The following FOXP1 variants were observed in gnomAD, a reference collection of about 807,000 sequenced individuals.
The protein encoded by FOXP1 is forkhead box protein P1.
In FOXP1, 15 loss-of-function variants were observed where a neutral mutation model predicts 98.2. That is an observed-to-expected ratio of 0.15 (90% CI 0.10 to 0.24). The LOEUF (loss-of-function observed/expected upper bound fraction) is 0.24, where lower values mean the gene tolerates loss of function less well. Ranked by LOEUF, FOXP1 falls within the 10% of genes least tolerant of loss-of-function variation. FOXP1 has a pLI of 1.00. For synonymous variants in FOXP1, 371 were observed against 314.5 expected, an observed-to-expected ratio of 1.18 and a Z score of -1.90; for missense variants, 633 against 848.5, an observed-to-expected ratio of 0.75 and a Z score of 3.15.
chr3:71,396,295 C>T (rs972737454), intron 3 of FOXP1, among the ~76,000 whole-genome samples: 3 of 152,012 alleles, frequency 2.0e-5, no homozygotes, highest in African/African-American at 4.8e-5. Flanking sequence ...ATGTGGTGCC[C>T]GATGATTGCA....
chr3:71,579,632 C>CTTTTTTTTTT (rs35646548), intron 2 of FOXP1, among the ~76,000 whole-genome samples: 20 of 122,974 alleles, frequency 1.6e-4, no homozygotes, highest in African/African-American at 2.8e-4. Context: ...TTTCTTTTTT[C>CTTTTTTTTTT]TTTTTTTTTT....
chr3:70,968,974 T>C (rs1296260428), intron 19 of FOXP1: 1 of 152,194 alleles, frequency 6.6e-6, no homozygotes, highest in Non-Finnish European at 1.5e-5. Flanking sequence ...GAAAGTGTTC[T>C]TGGAAAACGG....
At chr3:71,278,316 T>C (rs140007231) in intron 5 of FOXP1, among the ~76,000 whole-genome samples, 1,683 of 152,332 alleles carry the variant, frequency 0.011, 38 homozygotes, top group African/African-American at 0.038. Context: ...GAGAGTTGTC[T>C]TCTCTGATGT....
intron 8 of FOXP1, 35 bp downstream of exon 8, chr3:71,053,601 G>A (rs1449312606): frequency 6.2e-7 from 1 of 1,613,578 alleles, no homozygotes; most frequent in Admixed American, 1.7e-5. Context: ...TGGGTTCTGG[G>A]GGAGACAGGC....
At chr3:70,960,147 C>T (rs1382646355) in intron 20 of FOXP1, among the ~76,000 whole-genome samples, 2 of 152,134 alleles carry the variant, frequency 1.3e-5, no homozygotes, top group Non-Finnish European at 2.9e-5. Context: ...AGCAAAGAGA[C>T]ACCATGATAT....
At chr3:71,255,722 G>A (rs2107117646) in intron 5 of FOXP1, among the ~76,000 whole-genome samples, 2 of 152,190 alleles carry the variant, frequency 1.3e-5, no homozygotes, top group South Asian at 4.2e-4. Flanking sequence ...AGTAATCCTT[G>A]GAGATGAAAA....
chr3:71,524,364 AAAAC>A lies in FOXP1; in HGVS notation c.-297-30813_-297-30810del, dbSNP rs201512143. On this transcript the variant is annotated intron_variant, in intron 2 of 20. Coordinates refer to ENST00000649528, the MANE Select transcript of FOXP1 (RefSeq NM_001349338.3). ...GGTGCCATAGTGAGACTGTCTCAAA[AAAAC>A]AAACAAAGAAAAAATAAATGAATAA... 1.9e-3 allele frequency among the ~76,000 whole-genome samples: 285 copies of A among 152,322 alleles called. 6 individuals are homozygous for A. In the East Asian group the frequency reaches 0.045, roughly 24 times the overall value.
At chr3:71,423,575 G>A (rs2083837375) in intron 3 of FOXP1, among the ~76,000 whole-genome samples, 6 of 152,202 alleles carry the variant, frequency 3.9e-5, no homozygotes. Context: ...CTCAGACATG[G>A]TTCTACCAGG....
At chr3:71,021,747 C>A (rs1263067423) in intron 11 of FOXP1, among the ~76,000 whole-genome samples, 1 of 152,106 alleles carries the variant, frequency 6.6e-6, no homozygotes, top group Admixed American at 6.6e-5. Flanking sequence ...CCTTATTGTG[C>A]TTTTGATTGA....
chr3:71,003,738 A>G (rs530009978), intron 12 of FOXP1, among the ~76,000 whole-genome samples: 1 of 152,282 alleles, frequency 6.6e-6, no homozygotes, highest in East Asian at 1.9e-4. Flanking sequence ...TGCATGAATT[A>G]CTGTTTGAAA....
intron 3 of FOXP1, among the ~76,000 whole-genome samples, chr3:71,371,630 T>C (rs560304468): frequency 1.4e-4 from 21 of 152,174 alleles, no homozygotes; most frequent in African/African-American, 4.8e-4. Context: ...AATAAAAAAT[T>C]TAAAAAATTA....
chr3:71,036,363 A>G (rs2047588580), intron 11 of FOXP1, among the ~76,000 whole-genome samples: 1 of 152,224 alleles, frequency 6.6e-6, no homozygotes, highest in South Asian at 2.1e-4. Flanking sequence ...TGATACCTCA[A>G]AAAAGCAGAG....
chr3:71,168,669 T>G (rs2061499257), intron 6 of FOXP1, among the ~76,000 whole-genome samples: 1 of 152,188 alleles, frequency 6.6e-6, no homozygotes, highest in South Asian at 2.1e-4. Context: ...TGCTCATACC[T>G]CCACTCTTGG....
At chr3:71,054,582 G>A (rs1031764663) in intron 7 of FOXP1, among the ~76,000 whole-genome samples, 1 of 152,152 alleles carries the variant, frequency 6.6e-6, no homozygotes, top group African/African-American at 2.4e-5. Context: ...GTATTCAAGC[G>A]GATACCTAAT....
chr3:71,183,950 C>T (rs998540016), intron 6 of FOXP1, among the ~76,000 whole-genome samples: 12 of 152,066 alleles, frequency 7.9e-5, no homozygotes, highest in African/African-American at 2.7e-4. Context: ...GTTGGGACTT[C>T]GAGACCAGCC....
chr3:71,270,387 T>G (rs1328356063), intron 5 of FOXP1, among the ~76,000 whole-genome samples: 1 of 152,156 alleles, frequency 6.6e-6, no homozygotes, highest in Admixed American at 6.5e-5. Flanking sequence ...CACAAGTGAC[T>G]GGCTCTAAAA....
intron 4 of FOXP1, among the ~76,000 whole-genome samples, chr3:71,349,266 A>G (rs1456767459): frequency 1.3e-5 from 2 of 152,252 alleles, no homozygotes; most frequent in Non-Finnish European, 2.9e-5. Context: ...ATAACTTAGC[A>G]GGAGGAAATA....
chr3:71,315,000 CAGA>C (rs950585368), intron 4 of FOXP1, among the ~76,000 whole-genome samples: 3 of 142,298 alleles, frequency 2.1e-5, no homozygotes, highest in Non-Finnish European at 3.0e-5. Context: ...AACTGTGCCT[CAGA>C]AGAATTACAA....
At chr3:71,082,549 A>G (rs2054559101) in intron 7 of FOXP1, among the ~76,000 whole-genome samples, 1 of 151,914 alleles carries the variant, frequency 6.6e-6, no homozygotes, top group South Asian at 2.1e-4. Flanking sequence ...GGGCGCAGCA[A>G]ACCACCAGGG....
Sources: allele counts gnomAD v4.1 joint callset (sites outside exome capture counted in the v4.1 genomes callset), GRCh38; gene constraint gnomAD v4.1.1; transcripts MANE v1.5; gene names NCBI Gene and HGNC (gene_info 2026-07-23, HGNC 2026-07-21).